Variants in BMPR1B observed in about 807,000 individuals in gnomAD.
The protein encoded by BMPR1B is bone morphogenetic protein receptor type-1B.
BMPR1B carries 12 observed loss-of-function variants against 59.1 expected under a neutral mutation model. The observed-to-expected ratio is 0.20, with a 90% CI of 0.13 to 0.33. The LOEUF (loss-of-function observed/expected upper bound fraction) is 0.33. Ranked by LOEUF, BMPR1B falls within the 10% of genes least tolerant of loss-of-function variation. The pLI is 1.00. For synonymous variants in BMPR1B, 237 were observed against 207.3 expected, an observed-to-expected ratio of 1.14 and a Z score of -1.23; for missense variants, 550 against 610.9, an observed-to-expected ratio of 0.90 and a Z score of 1.05.
At chr4:95,052,631 G>A (rs572896195) in intron 3 of BMPR1B, among the ~76,000 whole-genome samples, 53 of 152,246 alleles carry the variant, frequency 3.5e-4, no homozygotes, top group African/African-American at 1.2e-3. Flanking sequence ...TCAGAAGAGT[G>A]TGTAATTTTG....
chr4:95,135,077 T>G (rs1733670650), intron 10 of BMPR1B, among the ~76,000 whole-genome samples: 1 of 152,250 alleles, frequency 6.6e-6, no homozygotes, highest in African/African-American at 2.4e-5. Context: ...GCTTTCTCCA[T>G]ATGGCTAGCC....
chr4:95,123,857 A>G lies in BMPR1B; in HGVS notation c.397A>G (p.Thr133Ala). The change falls in exon 7 of 13, where the codon ACT (threonine) becomes GCT (alanine). Residue 133 changes from threonine (T) to alanine (A), a missense_variant. By Grantham distance (58) the Thr-to-Ala change is moderately conservative (BLOSUM62 0). Around this residue, in one of 6 missense-constraint regions of BMPR1B, gnomAD observed 318 missense variants for 284.6 expected, o/e 1.12. Coordinates refer to ENST00000515059, the MANE Select transcript of BMPR1B (RefSeq NM_001203.3). ...CCACAGGGCTTTACTTATATCTGTGACTGTCTGTAGTTTGCTCTTGGTCCT... is the reference window on the plus strand; with the variant it reads ...CCACAGGGCTTTACTTATATCTGTGGCTGTCTGTAGTTTGCTCTTGGTCCT... ...IHHRALLISV[T>A]VCSLLLVLII... 2 of 1,612,184 alleles carry G rather than the reference A, an allele frequency of 1.2e-6. No homozygotes were observed. The highest frequency in any genetic ancestry group is 1.7e-6 in the Non-Finnish European group (2 of 1,179,326).
intron 3 of BMPR1B, among the ~76,000 whole-genome samples, chr4:95,071,181 G>A (rs1323168561): frequency 6.6e-6 from 1 of 152,076 alleles, no homozygotes; most frequent in Admixed American, 6.5e-5. Flanking sequence ...TACCTCTGGT[G>A]ATTTTATTAC....
intron 4 of BMPR1B, 46 bp from the exon 5 acceptor site, chr4:95,114,660 ACACACACACTGACT>A (rs1731882016): frequency 5.1e-6 from 7 of 1,382,096 alleles, no homozygotes; most frequent in Middle Eastern, 3.6e-4. Flanking sequence ...ACACACACAC[ACACACACACTGACT>A]CACACACACA....
At chr4:94,859,300 T>TA (rs1725889695) in intron 1 of BMPR1B, among the ~76,000 whole-genome samples, 1 of 152,178 alleles carries the variant, frequency 6.6e-6, no homozygotes, top group South Asian at 2.1e-4. Context: ...AACAGGATTT[T>TA]AAAAAAACTT....
rs1732712051 is a variant in BMPR1B at position 95,123,868 on chromosome 4, T to C, written c.408T>C (p.Ser136=). 3.1e-6 allele frequency: 5 copies of C among 1,612,264 alleles called. No individual in the cohort carries two copies. Among genetic ancestry groups the C allele is most frequent in the Non-Finnish European group, 4.2e-6 (5 of 1,179,312 alleles). ...TACTTATATCTGTGACTGTCTGTAG[T>C]TTGCTCTTGGTCCTTATCATATTAT... ...RALLISVTVC[S]LLLVLIILFC... is the part of the protein sequence containing the mutation. The change falls in exon 7 of 13, where the codon AGT becomes AGC. Residue 136 remains serine (S), a synonymous_variant. Coordinates refer to ENST00000515059, the MANE Select transcript of BMPR1B (RefSeq NM_001203.3).
chr4:95,047,549 A>C (rs963898569), intron 3 of BMPR1B, among the ~76,000 whole-genome samples: 9 of 152,164 alleles, frequency 5.9e-5, no homozygotes, highest in African/African-American at 2.2e-4. Flanking sequence ...TGTTAACCTC[A>C]ATCACCTGCC....
chr4:95,019,869 A>C (rs1275383334), intron 3 of BMPR1B, among the ~76,000 whole-genome samples: 2 of 152,208 alleles, frequency 1.3e-5, no homozygotes, highest in African/African-American at 4.8e-5. Context: ...ATCGTCCTCA[A>C]GTGGTGAAAG....
chr4:95,141,538 A>G (rs956613099), intron 10 of BMPR1B, among the ~76,000 whole-genome samples: 3 of 152,204 alleles, frequency 2.0e-5, no homozygotes, highest in Non-Finnish European at 4.4e-5. Flanking sequence ...TTCTTCATGC[A>G]TTCTCTTGAC....
intron 2 of BMPR1B, among the ~76,000 whole-genome samples, chr4:94,934,088 G>A (rs1729196510): frequency 6.6e-6 from 1 of 152,050 alleles, no homozygotes; most frequent in Non-Finnish European, 1.5e-5. Flanking sequence ...GTGCATGAGT[G>A]CACATGTGTT....
intron 3 of BMPR1B, among the ~76,000 whole-genome samples, chr4:95,069,720 A>G (rs760727538): frequency 6.6e-6 from 1 of 152,162 alleles, no homozygotes; most frequent in Non-Finnish European, 1.5e-5. Context: ...TTCTACTGCT[A>G]TGTCCTTGGG....
chr4:94,764,717 TGTCA>T (rs1721905528), intron 1 of BMPR1B, among the ~76,000 whole-genome samples: 2 of 152,316 alleles, frequency 1.3e-5, no homozygotes, highest in African/African-American at 4.8e-5. Context: ...ATATAAATAC[TGTCA>T]ATCAGTTTAT....
At chr4:94,893,003 C>T (rs977468927) in intron 2 of BMPR1B, among the ~76,000 whole-genome samples, 3 of 151,538 alleles carry the variant, frequency 2.0e-5, no homozygotes, top group African/African-American at 7.3e-5. Context: ...ATTGCAGGAG[C>T]AAAAAATCTA....
At chr4:94,761,187 G>T (rs1384895324) in intron 1 of BMPR1B, among the ~76,000 whole-genome samples, 1 of 152,114 alleles carries the variant, frequency 6.6e-6, no homozygotes, top group African/African-American at 2.4e-5. Flanking sequence ...TTCTTTTCAT[G>T]TCATCCAATA....
At chr4:94,861,858 T>TAATC (rs1282242604) in intron 1 of BMPR1B, among the ~76,000 whole-genome samples, 1 of 152,190 alleles carries the variant, frequency 6.6e-6, no homozygotes, top group Non-Finnish European at 1.5e-5. Context: ...AGAATGGAAG[T>TAATC]AATCAGAGGT....
chr4:95,048,474 G>A (rs1024920263), intron 3 of BMPR1B, among the ~76,000 whole-genome samples: 1 of 152,060 alleles, frequency 6.6e-6, no homozygotes, highest in Admixed American at 6.6e-5. Flanking sequence ...GTGGATTTTT[G>A]ACTTTTTAGT....
At position 94,996,075 on chromosome 4, in the gene BMPR1B, T is replaced by G. The variant is rs376977648; in HGVS notation, c.-77T>G. 1.3e-5 allele frequency: 2 copies of G among 152,330 alleles called. No homozygotes were observed. The highest frequency in any genetic ancestry group is 4.8e-5 in the African/African-American group (2 of 41,592). The allele number at this position is 152,330 out of a possible 1,614,324, so 9.4% of individuals were successfully genotyped here. On this transcript the variant is annotated 5_prime_UTR_variant, in exon 3 of 13. Coordinates refer to ENST00000515059, the MANE Select transcript of BMPR1B (RefSeq NM_001203.3). ...CTGCTGATTCATAACCATTTGGCTCTGAGCTATGACAAGAGAGGAAACAAA... is the reference window on the plus strand; with the variant it reads ...CTGCTGATTCATAACCATTTGGCTCGGAGCTATGACAAGAGAGGAAACAAA...
intron 2 of BMPR1B, among the ~76,000 whole-genome samples, chr4:94,902,046 G>GGT (rs34068392): frequency 0.016 from 1,928 of 119,206 alleles, 20 homozygotes; most frequent in East Asian, 0.054. Flanking sequence ...CAGACTGCAT[G>GGT]GTGTGTGTGT....
chr4:94,766,181 A>G (rs1467376187), intron 1 of BMPR1B, among the ~76,000 whole-genome samples: 2 of 152,134 alleles, frequency 1.3e-5, no homozygotes, highest in East Asian at 3.9e-4. Flanking sequence ...ACATGCATTA[A>G]TATTGACAGT....
Sources: allele counts gnomAD v4.1 joint callset (sites outside exome capture counted in the v4.1 genomes callset), GRCh38; gene constraint gnomAD v4.1.1; regional missense constraint gnomAD v4.1.1; transcripts MANE v1.5; gene names NCBI Gene and HGNC (gene_info 2026-07-23, HGNC 2026-07-21).